MGAT1: variants seen among roughly 807,000 people sequenced by gnomAD.
The protein encoded by MGAT1 is alpha-1,3-mannosyl-glycoprotein 2-beta-N-acetylglucosaminyltransferase, also known as N-glycosyl-oligosaccharide-glycoprotein N-acetylglucosaminyltransferase I.
MGAT1 carries 14 observed loss-of-function variants against 31.7 expected under a neutral mutation model. The ratio of observed to expected loss-of-function variants is 0.44; its 90% confidence interval spans 0.29 to 0.69. The LOEUF (loss-of-function observed/expected upper bound fraction) is 0.69. Among genes scored for constraint, MGAT1 ranks in the 30% least tolerant of loss-of-function variants. The pLI, the probability that MGAT1 is intolerant of heterozygous loss-of-function variation, is 0.12. For synonymous variants in MGAT1, 338 were observed against 276.0 expected (o/e 1.22, Z -2.23); for missense variants, 557 against 626.0 (o/e 0.89, Z 1.18).
Position 180,790,089 on chromosome 5 carries a change from C to A in MGAT1, c.*1545G>T, listed in dbSNP as rs951559405. On this transcript the variant is annotated 3_prime_UTR_variant, in exon 2 of 2. Coordinates refer to ENST00000307826, the MANE Select transcript of MGAT1 (RefSeq NM_002406.4). ...GTCCAAGCGCCACTGTGAGGCCAAC[C>A]CTGGTATCAGCTGTGTACCCTGAGG... 5 of 152,214 alleles carry A rather than the reference C, an allele frequency of 3.3e-5. No homozygotes were observed. The highest frequency in any genetic ancestry group is 4.8e-5 in the African/African-American group (2 of 41,428). 9.4% of individuals were successfully genotyped at this position (152,214 alleles called of 1,614,324 possible).
In MGAT1 at chr5:180,789,235, C is replaced by G. The variant is rs957648637; in HGVS notation, c.*2399G>C. 2.2e-4 allele frequency: 33 copies of G among 152,278 alleles called. 1 individual carries two copies. The highest frequency in any genetic ancestry group is 2.2e-4 in the African/African-American group (9 of 41,466). 9.4% of individuals were successfully genotyped at this position (152,278 alleles called of 1,614,324 possible). A position where few individuals can be genotyped will look rare whatever the true frequency, so the allele number is the denominator to read the frequency against. On this transcript the variant is annotated 3_prime_UTR_variant, in exon 2 of 2. Transcript: ENST00000307826. ...AGACAACTCTGCCACCATCTGGTGT[C>G]GAGCTCCAAAGTAGTTTCTGCCAAG... is the stretch of plus-strand genomic sequence containing the variant.
At chr5:180,797,630 A>C (rs189202740) in intron 1 of MGAT1, among the ~76,000 whole-genome samples, 167 of 152,290 alleles carry the variant, frequency 1.1e-3, no homozygotes, top group Non-Finnish European at 1.7e-3. Flanking sequence ...TAAGCCATGC[A>C]GAGCAAACCA....
At position 180,792,498 on chromosome 5, in the gene MGAT1, C is replaced by T. The variant is rs781254481; in HGVS notation, c.474G>A (p.Ala158=). Residue 158 remains alanine (A), a synonymous_variant, in exon 2 of 2, where the codon GCG becomes GCA. Transcript: ENST00000307826. ...GGTCGGGCTGCCGGATGTGCGTGACCGCGCTGCCGTAGGAGGCGATGGCCT... is the reference window on the plus strand; with the variant it reads ...GGTCGGGCTGCCGGATGTGCGTGACTGCGCTGCCGTAGGAGGCGATGGCCT... The part of the protein sequence containing the change: ...TAQAIASYGS[A]VTHIRQPDLS... The T allele has an allele frequency of 4.3e-6, 7 of 1,612,790 alleles. No individual in the cohort carries two copies. The South Asian group carries it at 4.4e-5, about 10-fold the overall frequency.
In MGAT1 at chr5:180,791,687, C is replaced by T; in HGVS notation, c.1285G>A (p.Val429Ile). 1 of 1,613,876 alleles carries T rather than the reference C, an allele frequency of 6.2e-7. No homozygotes were observed. Among genetic ancestry groups the T allele is most frequent in the African/African-American group, 1.3e-5 (1 of 75,052 alleles). The change falls in exon 2 of 2, where the codon GTC becomes ATC. Residue 429 changes from valine to isoleucine, a missense_variant. By Grantham distance (29) the Val-to-Ile change is conservative (BLOSUM62 3). Coordinates refer to ENST00000307826, the MANE Select transcript of MGAT1 (RefSeq NM_002406.4). ...CACGTCAGTGGGGGCGCCAGGTGGA[C>T]ACGGCGGCCCCGGAACTGGAAGGTG... Reference protein sequence around the residue: ...IVTFQFRGRRVHLAPPLTWEG... With the variant: ...IVTFQFRGRRIHLAPPLTWEG...
rs1768093376 is a variant in MGAT1, at chr5:180,791,582, C to G, written c.*52G>C. ...CCGATGCAGCCTGGGGACTGTGGTC[C>G]CACCTCAGCTCATGATGTGGCAAGG... On this transcript the variant is annotated 3_prime_UTR_variant, in exon 2 of 2. Coordinates refer to ENST00000307826, the MANE Select transcript of MGAT1 (RefSeq NM_002406.4). The G allele has an allele frequency of 2.1e-5, 33 of 1,582,586 alleles. No homozygotes were observed. The highest frequency in any genetic ancestry group is 2.7e-5 in the Non-Finnish European group (31 of 1,163,402).
intron 1 of MGAT1, among the ~76,000 whole-genome samples, chr5:180,814,561 C>G (rs1390233286): frequency 6.6e-6 from 1 of 152,174 alleles, no homozygotes; most frequent in African/African-American, 2.4e-5. Flanking sequence ...CACTTTCTTT[C>G]GAGATGATCC....
chr5:180,798,131 A>G (rs536938247), intron 1 of MGAT1, among the ~76,000 whole-genome samples: 144 of 152,328 alleles, frequency 9.5e-4, no homozygotes, highest in Admixed American at 1.4e-3. Flanking sequence ...GTTTTGCCAC[A>G]TTTCTGAGAC....
At chr5:180,798,476 C>T (rs920928694) in intron 1 of MGAT1, among the ~76,000 whole-genome samples, 36 of 152,320 alleles carry the variant, frequency 2.4e-4, no homozygotes, top group Non-Finnish European at 4.7e-4. Flanking sequence ...TGCTCAACTT[C>T]TCTCAGGCCC....
At position 180,792,942 on chromosome 5, in the gene MGAT1, C is replaced by G. The variant is rs765217561; in HGVS notation, c.30G>C (p.Val10=). 6.2e-7 allele frequency: 1 copy of G among 1,613,358 alleles called. No individual in the cohort carries two copies. Among genetic ancestry groups the G allele is most frequent in the African/African-American group, 1.3e-5 (1 of 74,924 alleles). Residue 10 remains valine (V), a synonymous_variant, in exon 2 of 2, where the codon GTG becomes GTC. Transcript: ENST00000307826. ...CCACAAAGAGGATAGCGCCCCACAG[C>G]ACAAGCCCTGCAGACTGCTTCTTCA... The part of the protein sequence containing the change: MLKKQSAGL[V]LWGAILFVAW...
chr5:180,797,454 C>T (rs765548296), intron 1 of MGAT1, among the ~76,000 whole-genome samples: 4 of 150,572 alleles, frequency 2.7e-5, no homozygotes, highest in Non-Finnish European at 4.4e-5. Flanking sequence ...AGAGGGATAG[C>T]CCGTCCCTGA....
At chr5:180,804,230 G>T (rs1246635913), upstream of MGAT1, among the ~76,000 whole-genome samples, 2 of 152,232 alleles carry the variant, frequency 1.3e-5, no homozygotes, top group African/African-American at 2.4e-5. Flanking sequence ...CTAGTTTGAG[G>T]CTCAGGGTAA....
intron 1 of MGAT1, among the ~76,000 whole-genome samples, chr5:180,811,571 A>T (rs1250010607): frequency 6.6e-6 from 1 of 150,758 alleles, no homozygotes; most frequent in Non-Finnish European, 1.5e-5. Context: ...AATCCTGTTG[A>T]CCCTACCTTC....
chr5:180,814,666 G>T (rs918198384), intron 1 of MGAT1, among the ~76,000 whole-genome samples: 1 of 152,118 alleles, frequency 6.6e-6, no homozygotes, highest in Non-Finnish European at 1.5e-5. Flanking sequence ...CTGGGGTCGG[G>T]TGCAGTGGCT....
At chr5:180,798,888 C>G (rs1314106743) in intron 1 of MGAT1, among the ~76,000 whole-genome samples, 1 of 152,174 alleles carries the variant, frequency 6.6e-6, no homozygotes, top group African/African-American at 2.4e-5. Context: ...CATCTAGGAC[C>G]AAGAACTTCA....
chr5:180,808,045 A>G (rs1178090942), intron 2 of MGAT1, among the ~76,000 whole-genome samples: 2 of 152,230 alleles, frequency 1.3e-5, no homozygotes, highest in African/African-American at 4.8e-5. Context: ...TGAAGAGAAC[A>G]TGGCCTGTGT....
At position 180,788,412 on chromosome 5, in the gene MGAT1, C is replaced by G. The variant is rs1767727768; in HGVS notation, c.*3222G>C. The G allele has an allele frequency of 6.5e-6, 1 of 152,894 alleles. No individual in the cohort carries two copies. Among genetic ancestry groups the G allele is most frequent in the East Asian group, 1.9e-4 (1 of 5,214 alleles). 9.5% of individuals were successfully genotyped at this position (152,894 alleles called of 1,614,324 possible). ...TCACAGGAGACCGCCGGTGCCTGGC[C>G]TGAGAATCCAAGTGCAGCTGGGGAA... On this transcript the variant is annotated 3_prime_UTR_variant, in exon 2 of 2. Coordinates refer to ENST00000307826, the MANE Select transcript of MGAT1 (RefSeq NM_002406.4).
At chr5:180,808,239 G>A (rs752015636) in intron 2 of MGAT1, among the ~76,000 whole-genome samples, 42 of 152,106 alleles carry the variant, frequency 2.8e-4, no homozygotes, top group Non-Finnish European at 5.6e-4. Flanking sequence ...CCCCCCACCA[G>A]CAGTCCTTTT....
At chr5:180,812,073 C>G (rs1419963164) in intron 1 of MGAT1, among the ~76,000 whole-genome samples, 1 of 152,188 alleles carries the variant, frequency 6.6e-6, no homozygotes, top group Admixed American at 6.5e-5. Context: ...GAAATACTCG[C>G]CGGGTTTACC....
chr5:180,795,304 C>T (rs1231951851), intron 1 of MGAT1: 2 of 149,998 alleles, frequency 1.3e-5, no homozygotes, highest in African/African-American at 5.0e-5. Context: ...TATATACACA[C>T]ACACACATAT....
Sources: allele counts gnomAD v4.1 joint callset (sites outside exome capture counted in the v4.1 genomes callset), GRCh38; gene constraint gnomAD v4.1.1; transcripts MANE v1.5; gene names NCBI Gene and HGNC (gene_info 2026-07-23, HGNC 2026-07-21).